PEAK1: variants seen among roughly 807,000 people sequenced by gnomAD.
PEAK1 encodes the protein pseudopodium enriched atypical kinase 1.
In PEAK1, 54 loss-of-function variants were observed where a neutral mutation model predicts 124.7. The observed-to-expected ratio is 0.43, with a 90% CI of 0.35 to 0.54. The LOEUF (loss-of-function observed/expected upper bound fraction) is 0.54, where lower values mean the gene tolerates loss of function less well. PEAK1 is among the 20% of genes least tolerant of loss of function. The pLI is 0.01. For synonymous variants in PEAK1, 719 were observed against 760.0 expected (o/e 0.95, Z 0.89); for missense variants, 2,046 against 2,134.5 (o/e 0.96, Z 0.82).
intron 5 of PEAK1, among the ~76,000 whole-genome samples, chr15:77,264,254 G>T (rs1338578617): frequency 1.3e-5 from 2 of 151,992 alleles, no homozygotes; most frequent in African/African-American, 4.8e-5. Context: ...GTTCTGGCCA[G>T]GGCAATCAGG....
intron 2 of PEAK1, chr15:77,332,327 C>A: frequency 1.0e-6 from 1 of 963,628 alleles, no homozygotes; most frequent in Non-Finnish European, 1.2e-6. Context: ...TGGCCGGGTG[C>A]GGTGGCTCAC....
At position 77,384,397 on chromosome 15, in the gene PEAK1, A is replaced by G. The variant is rs181207410; in HGVS notation, c.-665-19172T>C. On this transcript the variant is annotated intron_variant, in intron 1 of 9. Transcript: ENST00000682557. ...AACCCAAAATGTGATTTGGCAAATA[A>G]CTACTTAAGTATTGAGTAGTTCCTC... is the stretch of plus-strand genomic sequence containing the variant. Among the ~76,000 whole-genome samples, 456 of 152,302 alleles carry G rather than the reference A, an allele frequency of 3.0e-3. 1 individual carries two copies. The highest frequency in any genetic ancestry group is 0.011 in the African/African-American group (443 of 41,560).
chr15:77,257,840 C>T (rs1174887666), intron 5 of PEAK1, among the ~76,000 whole-genome samples: 1 of 149,498 alleles, frequency 6.7e-6, no homozygotes, highest in East Asian at 1.9e-4. Context: ...AGGTTTTCTT[C>T]TAGGGTTTTT....
intron 2 of PEAK1, among the ~76,000 whole-genome samples, chr15:77,331,544 C>G (rs886598708): frequency 2.0e-5 from 3 of 152,166 alleles, no homozygotes; most frequent in African/African-American, 7.2e-5. Context: ...GATAATTTCT[C>G]TAGGATAAAT....
chr15:77,224,600 G>A (rs544616367), intron 6 of PEAK1, among the ~76,000 whole-genome samples: 1 of 152,106 alleles, frequency 6.6e-6, no homozygotes, highest in Non-Finnish European at 1.5e-5. Context: ...CTCCTATAGA[G>A]ACACTTCCTA....
At chr15:77,132,695 CAAAA>C (rs35561271) in intron 9 of PEAK1, among the ~76,000 whole-genome samples, 2 of 100,342 alleles carry the variant, frequency 2.0e-5, no homozygotes, top group Non-Finnish European at 3.7e-5. Context: ...AACTCCATCT[CAAAA>C]AAAAAAAAAA....
At chr15:77,349,927 C>A (rs1436937580) in intron 2 of PEAK1, 2 of 984,430 alleles carry the variant, frequency 2.0e-6, no homozygotes, top group South Asian at 4.7e-5. Context: ...CTGAGTGTCA[C>A]GAAGAAAATA....
At chr15:77,270,111 T>C (rs1366967173) in intron 5 of PEAK1, among the ~76,000 whole-genome samples, 1 of 152,178 alleles carries the variant, frequency 6.6e-6, no homozygotes, top group Non-Finnish European at 1.5e-5. Context: ...ATAAATTAGG[T>C]ATTGATGGGA....
chr15:77,266,277 A>T (rs1333567173), intron 5 of PEAK1, among the ~76,000 whole-genome samples: 1 of 152,044 alleles, frequency 6.6e-6, no homozygotes, highest in African/African-American at 2.4e-5. Flanking sequence ...AAAATAAAAT[A>T]CAATAAAATT....
chr15:77,219,488 C>T (rs975352388), intron 6 of PEAK1, among the ~76,000 whole-genome samples: 3 of 152,030 alleles, frequency 2.0e-5, no homozygotes, highest in Non-Finnish European at 4.4e-5. Context: ...ATCATAAGGA[C>T]TTTAGTATCA....
chr15:77,111,711 A>G lies in PEAK1; in HGVS notation c.*2445T>C, dbSNP rs1035763127. ...TTAAAGTGAAGACTGGATCCAAATC[A>G]TAACAGAAAAAGAGAAAGAAAAAAA... On this transcript the variant is annotated 3_prime_UTR_variant, in exon 10 of 10. Coordinates refer to ENST00000682557, the MANE Select transcript of PEAK1 (RefSeq NM_001385026.1). 2.6e-5 allele frequency: 4 copies of G among 152,220 alleles called. No individual in the cohort carries two copies. Among genetic ancestry groups the G allele is most frequent in the Non-Finnish European group, 5.9e-5 (4 of 68,044 alleles). 9.4% of individuals were successfully genotyped at this position (152,220 alleles called of 1,614,324 possible).
In PEAK1 at chr15:77,115,191, C is replaced by T; in HGVS notation, c.4206G>A (p.Leu1402=). ...GHFLAEVPNR[L]LPWEDPDDPE... Reference sequence around the variant, plus strand: ...GGTCATCTGGATCCTCCCAGGGAAGCAGACGGTTAGGGACTTCAGCAAGGA... The same window carrying T: ...GGTCATCTGGATCCTCCCAGGGAAGTAGACGGTTAGGGACTTCAGCAAGGA... Residue 1402 remains leucine (L), a synonymous_variant, in exon 10 of 10, where the codon CTG becomes CTA. Coordinates refer to ENST00000682557, the MANE Select transcript of PEAK1 (RefSeq NM_001385026.1). The T allele has an allele frequency of 2.5e-6, 4 of 1,614,186 alleles. No homozygotes were observed. The highest frequency in any genetic ancestry group is 3.4e-6 in the Non-Finnish European group (4 of 1,180,038).
chr15:77,393,413 G>A (rs1405884725), intron 1 of PEAK1, among the ~76,000 whole-genome samples: 3 of 152,172 alleles, frequency 2.0e-5, no homozygotes, highest in Non-Finnish European at 4.4e-5. Context: ...GAAGAGTAAA[G>A]AGGACTTTGT....
intron 6 of PEAK1, among the ~76,000 whole-genome samples, chr15:77,245,142 T>C (rs147297023): frequency 0.01 from 1,574 of 152,272 alleles, 27 homozygotes; most frequent in African/African-American, 0.036. Context: ...TTCCAAGGCC[T>C]ACGTCAAGGT....
chr15:77,376,520 A>G (rs2069042874), intron 1 of PEAK1, among the ~76,000 whole-genome samples: 1 of 152,154 alleles, frequency 6.6e-6, no homozygotes, highest in Admixed American at 6.5e-5. Context: ...GAGAAGGTCT[A>G]ACATCCAAAA....
rs114943213 is a variant in PEAK1 at position 77,343,577 on chromosome 15, C to A, written c.-603+21586G>T. On this transcript the variant is annotated intron_variant, in intron 2 of 9. Transcript: ENST00000682557. ...TCTCGTCTTACTGCAACGTCCACCC[C>A]CTGGGTTCAATGATTCTCCTGCCTC... Among the ~76,000 whole-genome samples, 1,104 of 150,824 alleles carry A rather than the reference C, an allele frequency of 7.3e-3. 14 individuals carry two copies. Among genetic ancestry groups the A allele is most frequent in the African/African-American group, 0.025 (1,048 of 41,106 alleles).
chr15:77,287,032 T>C (rs1398208825), intron 2 of PEAK1, among the ~76,000 whole-genome samples: 2 of 152,316 alleles, frequency 1.3e-5, no homozygotes, highest in East Asian at 1.9e-4. Context: ...TCATGTACCC[T>C]GTAGATCTCT....
intron 6 of PEAK1, among the ~76,000 whole-genome samples, chr15:77,247,485 C>CTTTT (rs398028029): frequency 0.011 from 937 of 84,200 alleles, 12 homozygotes; most frequent in Middle Eastern, 0.043. Flanking sequence ...CTTTTCTTTT[C>CTTTT]TTTTTTTTTT....
chr15:77,184,313 A>AAAAACAACTGATGCTAGCGAGGATGTG (rs1197426900), intron 6 of PEAK1, among the ~76,000 whole-genome samples: 6 of 152,176 alleles, frequency 3.9e-5, no homozygotes, highest in Non-Finnish European at 5.9e-5. Context: ...AAATTAAAAC[A>AAAAACAACTGATGCTAGCGAGGATGTG]AAAACAACTG....
Sources: gnomAD v4.1 joint callset for allele counts (sites outside exome capture counted in the v4.1 genomes callset) on GRCh38, gnomAD v4.1.1 for gene constraint, MANE v1.5 for transcripts, NCBI Gene and HGNC (gene_info 2026-07-23, HGNC 2026-07-21) for gene names.